MAST4: variants seen among roughly 807,000 people sequenced by gnomAD.
MAST4 encodes the protein microtubule-associated serine/threonine-protein kinase 4.
Under a neutral mutation model 162.7 loss-of-function variants are expected in MAST4, and 89 were observed. The ratio of observed to expected loss-of-function variants is 0.55; its 90% confidence interval spans 0.46 to 0.65. MAST4 has a LOEUF of 0.65. Ranked by LOEUF, MAST4 falls within the 30% of genes least tolerant of loss-of-function variation. The pLI is 0.00. For missense variants in MAST4, 3,153 were observed against 3,374.0 expected (o/e 0.93, Z 1.62); for synonymous variants, 1,479 against 1,361.1 (o/e 1.09, Z -1.91).
At chr5:66,878,443 C>T (rs1455310686) in intron 3 of MAST4, among the ~76,000 whole-genome samples, 1 of 152,204 alleles carries the variant, frequency 6.6e-6, no homozygotes, top group East Asian at 1.9e-4. Flanking sequence ...AATTCAGCAC[C>T]TTTGGGCAGT....
chr5:67,090,343 C>CTCCCCACTTCCCCT, intron 6 of MAST4, 112 bp downstream of exon 6: 1 of 524,026 alleles, frequency 1.9e-6, no homozygotes, highest in Non-Finnish European at 3.4e-6. Context: ...ACTTCTCCCC[C>CTCCCCACTTCCCCT]TCCCCACTTC....
At chr5:67,065,139 G>A (rs1311492560) in intron 5 of MAST4, among the ~76,000 whole-genome samples, 3 of 152,034 alleles carry the variant, frequency 2.0e-5, no homozygotes, top group Non-Finnish European at 4.4e-5. Flanking sequence ...TTTCTCATCT[G>A]CTAGTTGAAA....
chr5:66,788,607 C>CCCAGCAAAAATAAAA, intron 2 of MAST4, 63 bp from the exon 3 acceptor site: 1 of 1,373,728 alleles, frequency 7.3e-7, no homozygotes, highest in Non-Finnish European at 1.0e-6. Flanking sequence ...CCCCCACCCC[C>CCCAGCAAAAATAAAA]ATTGCAATAA....
At chr5:66,725,170 A>T (rs997070314) in intron 1 of MAST4, among the ~76,000 whole-genome samples, 4 of 152,170 alleles carry the variant, frequency 2.6e-5, no homozygotes, top group African/African-American at 7.2e-5. Context: ...ATACTTTTTT[A>T]AAAAAATCAA....
chr5:66,988,768 A>G (rs1182711334), intron 4 of MAST4, among the ~76,000 whole-genome samples: 2 of 152,188 alleles, frequency 1.3e-5, no homozygotes, highest in East Asian at 3.9e-4. Context: ...AATTTTGACA[A>G]GTTTGAGTCT....
intron 23 of MAST4, 43 bp from the exon 24 acceptor site, chr5:67,149,346 C>T: frequency 6.4e-7 from 1 of 1,563,034 alleles, no homozygotes; most frequent in Non-Finnish European, 8.7e-7. Context: ...CCTCTCCTAT[C>T]CTGGATTTTC....
At chr5:67,042,452 T>C (rs1165006783) in intron 4 of MAST4, among the ~76,000 whole-genome samples, 4 of 152,160 alleles carry the variant, frequency 2.6e-5, no homozygotes, top group Non-Finnish European at 4.4e-5. Flanking sequence ...AAGAAAACAT[T>C]AGTGGATGTA....
intron 1 of MAST4, among the ~76,000 whole-genome samples, chr5:66,720,694 G>A (rs190885135): frequency 7.2e-5 from 11 of 152,072 alleles, no homozygotes; most frequent in African/African-American, 2.4e-4. Context: ...TTTAATTTCT[G>A]CTTTTATCTT....
chr5:66,849,485 C>G (rs1468630563), intron 3 of MAST4, among the ~76,000 whole-genome samples: 1 of 152,044 alleles, frequency 6.6e-6, no homozygotes, highest in Non-Finnish European at 1.5e-5. Flanking sequence ...TTCTCTTCTC[C>G]TGTCCTTTTT....
chr5:66,739,676 C>T (rs550876561), intron 1 of MAST4, among the ~76,000 whole-genome samples: 2 of 152,214 alleles, frequency 1.3e-5, no homozygotes, highest in South Asian at 4.1e-4. Flanking sequence ...ACCTTTTGCT[C>T]AGTGTTGGGG....
rs543837324 is a variant in MAST4 at position 66,788,789 on chromosome 5, A to G, written c.637A>G (p.Ser213Gly). The change falls in exon 3 of 29, where the codon AGC becomes GGC. Residue 213 changes from serine to glycine, a missense_variant. Physicochemically the swap from Ser to Gly is moderately conservative, Grantham distance 56 (BLOSUM62 0). This residue lies in a region of MAST4 where 327 missense variants were observed against 336.5 expected (regional missense o/e 0.97). Coordinates refer to ENST00000403625, the MANE Select transcript of MAST4 (RefSeq NM_001164664.2). Reference sequence around the variant, plus strand: ...CCAGTCGGCGCCCTCGCTCACCGCCAGCCTGGTGAGTGTCCGCGGGCGCCG... The same window carrying G: ...CCAGTCGGCGCCCTCGCTCACCGCCGGCCTGGTGAGTGTCCGCGGGCGCCG... The part of the protein sequence containing the change: ...LGQSAPSLTA[S>G]LKELSLPRRG... 2.3e-5 allele frequency: 37 copies of G among 1,579,738 alleles called. No homozygotes were observed. The South Asian group carries it at 3.9e-4, about 17-fold the overall frequency.
At chr5:66,671,937 A>T (rs1045031102) in intron 1 of MAST4, among the ~76,000 whole-genome samples, 5 of 152,366 alleles carry the variant, frequency 3.3e-5, no homozygotes, top group Middle Eastern at 3.4e-3. Flanking sequence ...TTTTAAAAGC[A>T]TCTTGTAATG....
At chr5:66,973,613 A>C (rs1236689767) in intron 4 of MAST4, among the ~76,000 whole-genome samples, 1 of 152,176 alleles carries the variant, frequency 6.6e-6, no homozygotes, top group Non-Finnish European at 1.5e-5. Flanking sequence ...TCTCTGGGGT[A>C]AAATTTTTAG....
chr5:66,624,865 G>C (rs909950911), intron 1 of MAST4, among the ~76,000 whole-genome samples: 6 of 152,172 alleles, frequency 3.9e-5, no homozygotes, highest in African/African-American at 1.4e-4. Context: ...ACTCAAAATG[G>C]ATGAAAGACT....
At chr5:67,040,392 A>G (rs919782904) in intron 4 of MAST4, among the ~76,000 whole-genome samples, 1 of 152,178 alleles carries the variant, frequency 6.6e-6, no homozygotes, top group Non-Finnish European at 1.5e-5. Context: ...GGTAATTCAT[A>G]TGTTGGATCA....
intron 3 of MAST4, among the ~76,000 whole-genome samples, chr5:66,866,819 G>A (rs74464417): frequency 0.02 from 2,976 of 152,254 alleles, 86 homozygotes; most frequent in African/African-American, 0.068. Flanking sequence ...GCGTGATCAC[G>A]GCTCACTGCA....
At chr5:66,736,564 T>G (rs1281158217) in intron 1 of MAST4, among the ~76,000 whole-genome samples, 1 of 152,220 alleles carries the variant, frequency 6.6e-6, no homozygotes, top group Non-Finnish European at 1.5e-5. Context: ...GGGAAAGTGA[T>G]TCCTACTATG....
intron 4 of MAST4, among the ~76,000 whole-genome samples, chr5:66,962,299 C>T (rs1746113851): frequency 6.6e-6 from 1 of 152,204 alleles, no homozygotes; most frequent in Admixed American, 6.5e-5. Context: ...TCTGCACTAG[C>T]CAGGCACGGT....
intron 26 of MAST4, among the ~76,000 whole-genome samples, chr5:67,160,141 T>C (rs1773019002): frequency 6.6e-6 from 1 of 152,092 alleles, no homozygotes; most frequent in African/African-American, 2.4e-5. Flanking sequence ...CCCCAGGAGA[T>C]AGGTAGGATT....
Sources: allele counts gnomAD v4.1 joint callset (sites outside exome capture counted in the v4.1 genomes callset), GRCh38; gene constraint gnomAD v4.1.1; regional missense constraint gnomAD v4.1.1; transcripts MANE v1.5; gene names NCBI Gene and HGNC (gene_info 2026-07-23, HGNC 2026-07-21).